The following CNTN1 variants were observed in gnomAD, a reference collection of about 807,000 sequenced individuals.
CNTN1 encodes contactin 1.
In CNTN1, 38 loss-of-function variants were observed where a neutral mutation model predicts 126.4. That is an observed-to-expected ratio of 0.30 (90% CI 0.23 to 0.39). CNTN1 has a LOEUF of 0.39. Ranked by LOEUF, CNTN1 falls within the 10% of genes least tolerant of loss-of-function variation. The pLI, the probability that CNTN1 is intolerant of heterozygous loss-of-function variation, is 1.00. For synonymous variants in CNTN1, 413 were observed against 422.6 expected, an observed-to-expected ratio of 0.98 and a Z score of 0.28; for missense variants, 1,009 against 1,248.4, an observed-to-expected ratio of 0.81 and a Z score of 2.89.
At chr12:40,787,579 C>T (rs1940072456) in intron 1 of CNTN1, among the ~76,000 whole-genome samples, 1 of 152,044 alleles carries the variant, frequency 6.6e-6, no homozygotes, top group Admixed American at 6.6e-5. Context: ...ATAAGAAAAT[C>T]TCATGACTTT....
chr12:40,701,462 A>G (rs1230275323), intron 1 of CNTN1, among the ~76,000 whole-genome samples: 1 of 152,148 alleles, frequency 6.6e-6, no homozygotes, highest in East Asian at 1.9e-4. Context: ...CATGGTTACT[A>G]AAAGTACAGA....
chr12:40,871,108 TA>T, intron 1 of CNTN1, among the ~76,000 whole-genome samples: 1 of 142,730 alleles, frequency 7.0e-6, no homozygotes, highest in Non-Finnish European at 1.5e-5. Context: ...CTTGCTACCA[TA>T]AAAGACAATT....
intron 14 of CNTN1, among the ~76,000 whole-genome samples, chr12:40,958,863 A>AC (rs1287628331): frequency 5.3e-5 from 8 of 152,012 alleles, no homozygotes; most frequent in Non-Finnish European, 8.8e-5. Context: ...TCTCGATATA[A>AC]CCCTCTGATT....
At chr12:41,037,179 G>A (rs1278516994) in intron 23 of CNTN1, among the ~76,000 whole-genome samples, 1 of 151,982 alleles carries the variant, frequency 6.6e-6, no homozygotes, top group African/African-American at 2.4e-5. Flanking sequence ...GATTGGTATG[G>A]TTTATTTTTA....
chr12:40,765,833 G>A (rs2136423770), intron 1 of CNTN1, among the ~76,000 whole-genome samples: 1 of 152,268 alleles, frequency 6.6e-6, no homozygotes, highest in South Asian at 2.1e-4. Context: ...GGTCACTGGG[G>A]ACACAAAGAT....
intron 1 of CNTN1, among the ~76,000 whole-genome samples, chr12:40,887,084 G>GT (rs1221085216): frequency 6.6e-6 from 1 of 151,992 alleles, no homozygotes; most frequent in Admixed American, 6.6e-5. Context: ...CTTTAAAGTA[G>GT]TTTTTTCCAA....
At chr12:40,901,143 T>C (rs989269854) in intron 1 of CNTN1, among the ~76,000 whole-genome samples, 2 of 152,236 alleles carry the variant, frequency 1.3e-5, no homozygotes, top group Admixed American at 6.5e-5. Flanking sequence ...ACTGAGTTAA[T>C]AGGGATCGTG....
Position 40,824,976 on chromosome 12 carries a change from A to G in CNTN1, c.-76-83381A>G, listed in dbSNP as rs528220635. 2.6e-5 allele frequency among the ~76,000 whole-genome samples: 4 copies of G among 152,318 alleles called. No individual in the cohort carries two copies. The East Asian group carries it at 7.7e-4, about 29-fold the overall frequency. ...TAATTTAAATATCTCAATGAGTATC[A>G]TAGCGACCGTGTGCATTACTCTCCA... On this transcript the variant is annotated intron_variant, in intron 1 of 23. Coordinates refer to ENST00000551295, the MANE Select transcript of CNTN1 (RefSeq NM_001843.4).
chr12:40,848,292 C>A (rs1182286156), intron 1 of CNTN1, among the ~76,000 whole-genome samples: 2 of 152,134 alleles, frequency 1.3e-5, no homozygotes, highest in African/African-American at 2.4e-5. Context: ...CTATTTCCCC[C>A]AATTTCATTT....
chr12:40,736,022 G>A (rs1937662401), intron 1 of CNTN1, among the ~76,000 whole-genome samples: 1 of 152,024 alleles, frequency 6.6e-6, no homozygotes, highest in African/African-American at 2.4e-5. Flanking sequence ...TTACCCTGCA[G>A]CTGTCTCAGA....
chr12:40,772,249 T>A (rs893873311), intron 1 of CNTN1, among the ~76,000 whole-genome samples: 1 of 152,046 alleles, frequency 6.6e-6, no homozygotes, highest in African/African-American at 2.4e-5. Flanking sequence ...AGATAGATTA[T>A]TTTTTATCCA....
chr12:40,943,282 ACATTTCTGGGAGACCGGGGCT>A (rs1199490605), intron 12 of CNTN1, among the ~76,000 whole-genome samples: 2 of 152,106 alleles, frequency 1.3e-5, no homozygotes, highest in Non-Finnish European at 2.9e-5. Context: ...TCCTGAGGTT[ACATTTCTGGGAGACCGGGGCT>A]CATTTCTTTC....
intron 9 of CNTN1, 102 bp downstream of exon 9, chr12:40,933,980 A>G: frequency 1.2e-6 from 1 of 857,638 alleles, no homozygotes; most frequent in East Asian, 2.7e-5. Context: ...GGTTTTAAAA[A>G]CAGTGATGCA....
chr12:40,881,322 A>C (rs1592199511), intron 1 of CNTN1, among the ~76,000 whole-genome samples: 1 of 151,912 alleles, frequency 6.6e-6, no homozygotes, highest in Admixed American at 6.6e-5. Flanking sequence ...AGCTATATAC[A>C]TAAACTGGAA....
intron 1 of CNTN1, among the ~76,000 whole-genome samples, chr12:40,857,616 A>G (rs79373506): frequency 0.1 from 15,593 of 152,194 alleles, 1,026 homozygotes; most frequent in African/African-American, 0.18. Context: ...CCGTGGAAAA[A>G]GTCAAGTCAG....
chr12:40,719,119 C>A (rs932010590), intron 1 of CNTN1, among the ~76,000 whole-genome samples: 1 of 151,954 alleles, frequency 6.6e-6, no homozygotes, highest in South Asian at 2.1e-4. Flanking sequence ...CTTATTTGTC[C>A]CTTGAACAAG....
rs1235236084 is a variant in CNTN1, at chr12:41,014,291, C to T, written c.2177C>T (p.Thr726Ile). 1 of 1,613,916 alleles carries T rather than the reference C, an allele frequency of 6.2e-7. No homozygotes were observed. The highest frequency in any genetic ancestry group is 8.5e-7 in the Non-Finnish European group (1 of 1,179,826). Reference protein sequence around the residue: ...GGGRNRELTITWAPLSREYHY... With the variant: ...GGGRNRELTIIWAPLSREYHY... ...GGAAGAAACAGAGAGCTGACCATAA[C>T]ATGGGCGGTAAGTATTGATGAGTTG... Residue 726 changes from threonine (T) to isoleucine (I), a missense_variant, in exon 18 of 24, where the codon ACA (threonine) becomes ATA (isoleucine). Thr to Ile is a moderately conservative substitution (Grantham distance 89). Coordinates refer to ENST00000551295, the MANE Select transcript of CNTN1 (RefSeq NM_001843.4).
At chr12:41,048,607 A>G (rs1020018793) in intron 23 of CNTN1, among the ~76,000 whole-genome samples, 3 of 151,936 alleles carry the variant, frequency 2.0e-5, no homozygotes, top group South Asian at 2.1e-4. Context: ...CTTTTTTTCT[A>G]TTTGATTTTT....
At chr12:40,879,056 C>A (rs142249086) in intron 1 of CNTN1, among the ~76,000 whole-genome samples, 1 of 152,206 alleles carries the variant, frequency 6.6e-6, no homozygotes, top group African/African-American at 2.4e-5. Context: ...GGTCACATAT[C>A]CCAGCCTTGG....
Sources: allele counts gnomAD v4.1 joint callset (sites outside exome capture counted in the v4.1 genomes callset), GRCh38; gene constraint gnomAD v4.1.1; transcripts MANE v1.5; gene names NCBI Gene and HGNC (gene_info 2026-07-23, HGNC 2026-07-21).